The following ATG14 variants were observed in gnomAD, a reference collection of about 807,000 sequenced individuals.
ATG14 encodes autophagy related 14.
In ATG14, 35 loss-of-function variants were observed where a neutral mutation model predicts 60.4. That is an observed-to-expected ratio of 0.58 (90% CI 0.44 to 0.77). The LOEUF is 0.77. Ranked by LOEUF, ATG14 falls within the 30% of genes least tolerant of loss-of-function variation. ATG14 has a pLI of 0.00. For missense variants in ATG14, 647 were observed against 626.3 expected (o/e 1.03, Z -0.35); for synonymous variants, 234 against 228.8 (o/e 1.02, Z -0.21).
intron 1 of ATG14, among the ~76,000 whole-genome samples, chr14:55,409,067 A>C (rs1297398413): frequency 6.6e-6 from 1 of 152,212 alleles, no homozygotes; most frequent in Admixed American, 6.5e-5. Flanking sequence ...TGTCTGACTA[A>C]AAGAAGGGAG....
At chr14:55,404,573 C>G (rs2140152325) in intron 1 of ATG14, among the ~76,000 whole-genome samples, 1 of 152,256 alleles carries the variant, frequency 6.6e-6, no homozygotes, top group East Asian at 1.9e-4. Context: ...TATGAAAACT[C>G]TTTTGCATTA....
chr14:55,397,126 C>A (rs1318214050), intron 2 of ATG14, among the ~76,000 whole-genome samples: 2 of 152,152 alleles, frequency 1.3e-5, no homozygotes, highest in Non-Finnish European at 2.9e-5. Context: ...ATTATCAGTG[C>A]CAGGGATTTG....
In ATG14 at chr14:55,397,400, T is replaced by G; in HGVS notation, c.256A>C (p.Lys86Gln). 1 of 1,613,724 alleles carries G rather than the reference T, an allele frequency of 6.2e-7. No individual in the cohort carries two copies. The highest frequency in any genetic ancestry group is 8.5e-7 in the Non-Finnish European group (1 of 1,179,694). ...TTCTGAAATTCTTCTTGCTTGCTCT[T>G]AAGTCGGCTTAACCTTTCCTTCTTG... is the stretch of plus-strand genomic sequence containing the variant. ...IDKKERLSRL[K>Q]SKQEEFQKEV... The change falls in exon 2 of 10, where the codon AAG (lysine) becomes CAG (glutamine). Residue 86 changes from lysine (K) to glutamine (Q), a missense_variant. Lys to Gln is a moderately conservative substitution (Grantham distance 53). Transcript: ENST00000247178.
chr14:55,394,908 G>A (rs1024328911), intron 3 of ATG14: 15 of 375,828 alleles, frequency 4.0e-5, no homozygotes, highest in Non-Finnish European at 7.7e-5. Context: ...CTGTCTTCTG[G>A]TTGTACCAAA....
intron 7 of ATG14, 82 bp from the exon 8 acceptor site, chr14:55,378,156 G>T: frequency 1.7e-6 from 2 of 1,160,984 alleles, no homozygotes; most frequent in Non-Finnish European, 2.5e-6. Flanking sequence ...GTACAATTAG[G>T]TATAACACAT....
At chr14:55,393,022 CAT>C (rs1288868058) in intron 3 of ATG14, among the ~76,000 whole-genome samples, 2 of 152,150 alleles carry the variant, frequency 1.3e-5, no homozygotes, top group African/African-American at 2.4e-5. Context: ...TTCCACAGAA[CAT>C]GTTTTGTTTA....
intron 3 of ATG14, chr14:55,395,359 T>C: frequency 4.7e-6 from 1 of 211,202 alleles, no homozygotes. Flanking sequence ...AATTTTTTGT[T>C]TGTTTGTTTG....
At chr14:55,385,533 T>TCCAC (rs1885110176) in intron 5 of ATG14, among the ~76,000 whole-genome samples, 3 of 152,228 alleles carry the variant, frequency 2.0e-5, no homozygotes, top group Non-Finnish European at 4.4e-5. Context: ...CCTCAGGTGA[T>TCCAC]TCGCCTGCCT....
chr14:55,411,569 G>A (rs774875905), intron 1 of ATG14, 33 bp downstream of exon 1: 15 of 1,576,572 alleles, frequency 9.5e-6, no homozygotes, highest in Non-Finnish European at 1.0e-5. Context: ...ACACACAGCA[G>A]AAGAAACAAT....
At chr14:55,406,885 C>A (rs1437345569) in intron 1 of ATG14, among the ~76,000 whole-genome samples, 77 of 151,664 alleles carry the variant, frequency 5.1e-4, no homozygotes, top group Non-Finnish European at 1.2e-4. Context: ...TCTGCTTGGT[C>A]AGGAAAAGAA....
At position 55,403,796 on chromosome 14, in the gene ATG14, T is replaced by C. The variant is rs1300515105; in HGVS notation, c.222-6362A>G. On this transcript the variant is annotated intron_variant, in intron 1 of 9. Transcript: ENST00000247178. Reference sequence around the variant, plus strand: ...ATCATCTATAATAGAGGCACCTTTATGTGGTGGGATTGTGAGAGAATTTTC... The same window carrying C: ...ATCATCTATAATAGAGGCACCTTTACGTGGTGGGATTGTGAGAGAATTTTC... 3.3e-5 allele frequency among the ~76,000 whole-genome samples: 5 copies of C among 152,200 alleles called. No homozygotes were observed. The East Asian group carries it at 9.6e-4, about 29-fold the overall frequency.
At chr14:55,377,614 T>C (rs11845802) in intron 9 of ATG14, among the ~76,000 whole-genome samples, 10,977 of 152,200 alleles carry the variant, frequency 0.072, 1,115 homozygotes, top group African/African-American at 0.23. Context: ...ATGATTGATA[T>C]TAATTTTTTC....
chr14:55,375,479 C>G (rs1289762248), intron 9 of ATG14, among the ~76,000 whole-genome samples: 1 of 149,604 alleles, frequency 6.7e-6, no homozygotes, highest in African/African-American at 2.5e-5. Flanking sequence ...TGCATTACCA[C>G]GCCGGGCTAA....
chr14:55,407,048 G>C (rs952725693), intron 1 of ATG14, among the ~76,000 whole-genome samples: 2 of 150,966 alleles, frequency 1.3e-5, no homozygotes, highest in African/African-American at 4.9e-5. Context: ...GGCAGCCTCT[G>C]CCTCCCAGGT....
At position 55,391,049 on chromosome 14, in the gene ATG14, T is replaced by C. The variant is rs146064373; in HGVS notation, c.328-57A>G. 4.8e-3 allele frequency: 5,595 copies of C among 1,168,478 alleles called. 27 individuals are homozygous for C. The highest frequency in any genetic ancestry group is 5.6e-3 in the Non-Finnish European group (4,550 of 809,192). The allele number at this position is 1,168,478 out of a possible 1,614,324, so 72.4% of individuals were successfully genotyped here. Reference sequence around the variant, plus strand: ...GTTGGTCTCTTATGGTTAATATGATTATCTACCTGGGATCACTGCTTATTT... The same window carrying C: ...GTTGGTCTCTTATGGTTAATATGATCATCTACCTGGGATCACTGCTTATTT... On this transcript the variant is annotated intron_variant, in intron 3 of 9. Transcript: ENST00000247178.
chr14:55,407,827 A>G (rs1225716660), intron 1 of ATG14, among the ~76,000 whole-genome samples: 1 of 152,182 alleles, frequency 6.6e-6, no homozygotes, highest in Admixed American at 6.5e-5. Context: ...ATCTTAGTGA[A>G]GGAGGTCAGG....
In ATG14 at chr14:55,376,715, C is replaced by G. The variant is rs891261730; in HGVS notation, c.1172+1104G>C. 2.0e-5 allele frequency among the ~76,000 whole-genome samples: 3 copies of G among 152,126 alleles called. No individual in the cohort carries two copies. In the South Asian group the frequency reaches 6.2e-4, roughly 32 times the overall value. On this transcript the variant is annotated intron_variant, in intron 9 of 9. Transcript: ENST00000247178. ...AGATGGATGATGCGGAAGGGAAACC[C>G]AAAAGAACTTTCCCGCCATTTGTCT...
At chr14:55,401,856 T>C (rs1885405237) in intron 1 of ATG14, among the ~76,000 whole-genome samples, 1 of 152,168 alleles carries the variant, frequency 6.6e-6, no homozygotes, top group Non-Finnish European at 1.5e-5. Flanking sequence ...CCAGAGTTGA[T>C]CCTGTTAAGG....
chr14:55,400,833 A>G (rs1815580), intron 1 of ATG14, among the ~76,000 whole-genome samples: 69,638 of 151,518 alleles, frequency 0.46, 16,729 homozygotes, highest in African/African-American at 0.58. Context: ...GAACCCGGGA[A>G]GCGGAGGTTG....
Sources: gnomAD v4.1 joint callset for allele counts (sites outside exome capture counted in the v4.1 genomes callset) on GRCh38, gnomAD v4.1.1 for gene constraint, MANE v1.5 for transcripts, NCBI Gene and HGNC (gene_info 2026-07-23, HGNC 2026-07-21) for gene names.